The following CDC27 variants were observed in gnomAD, a reference collection of about 807,000 sequenced individuals.
The protein encoded by CDC27 is cell division cycle 27.
Under a neutral mutation model 109.7 loss-of-function variants are expected in CDC27, and 27 were observed. That is an observed-to-expected ratio of 0.25 (90% CI 0.18 to 0.34). CDC27 has a LOEUF of 0.34. Ranked by LOEUF, CDC27 falls within the 10% of genes least tolerant of loss-of-function variation. The probability of loss-of-function intolerance (pLI) is 1.00; values close to 1 mark genes in which losing one functional copy is unlikely to be tolerated. For missense variants in CDC27, 579 were observed against 960.2 expected (o/e 0.60, Z 5.25); for synonymous variants, 266 against 333.9 (o/e 0.80, Z 2.22).
At chr17:47,182,999 T>C (rs540392408) in intron 1 of CDC27, among the ~76,000 whole-genome samples, 39 of 152,174 alleles carry the variant, frequency 2.6e-4, no homozygotes, top group African/African-American at 8.4e-4. Flanking sequence ...TGGAGTGCAA[T>C]AGGAGCAAGA....
chr17:47,176,304 CAG>C (rs1452297916), intron 2 of CDC27, among the ~76,000 whole-genome samples: 5 of 151,482 alleles, frequency 3.3e-5, no homozygotes, highest in African/African-American at 1.2e-4. Context: ...TTCTGTTGTT[CAG>C]AGTCATTTCT....
At position 47,141,931 on chromosome 17, in the gene CDC27, T is replaced by C. The variant is rs770480011; in HGVS notation, c.1473A>G (p.Leu491=). ...CKEAINILSH[L]PSHHYNTGWV... The stretch of plus-strand genomic sequence containing the variant: ...AACCAGTATTGTAGTGGTGAGAAGG[T>C]AGATGGCTCAAAATATTTATAGCTT... The change falls in exon 12 of 19, where the codon CTA becomes CTG. Residue 491 remains leucine, a synonymous_variant. Coordinates refer to ENST00000066544, the MANE Select transcript of CDC27 (RefSeq NM_001256.6). 1.9e-4 allele frequency: 309 copies of C among 1,607,102 alleles called. No individual in the cohort carries two copies. The highest frequency in any genetic ancestry group is 2.6e-4 in the Non-Finnish European group (302 of 1,175,870).
At chr17:47,168,455 T>C (rs1281867879) in intron 4 of CDC27, among the ~76,000 whole-genome samples, 1 of 152,186 alleles carries the variant, frequency 6.6e-6, no homozygotes, top group Non-Finnish European at 1.5e-5. Flanking sequence ...TTGTTTACTG[T>C]TTCTCTTCTC....
rs1330111409 is a variant in CDC27 at position 47,181,517 on chromosome 17, T to C, written c.103+45A>G. 7 of 1,025,464 alleles carry C rather than the reference T, an allele frequency of 6.8e-6. No individual in the cohort carries two copies. In the East Asian group the frequency reaches 1.7e-4, roughly 25 times the overall value. The allele number at this position is 1,025,464 out of a possible 1,614,324, so 63.5% of individuals were successfully genotyped here. On this transcript the variant is annotated intron_variant, in intron 2 of 18. Transcript: ENST00000066544. ...TGATAAAAAGTTATGGAATTTCATATATGTTATTCATTTATCATTCTACAG... is the reference window on the plus strand; with the variant it reads ...TGATAAAAAGTTATGGAATTTCATACATGTTATTCATTTATCATTCTACAG...
At chr17:47,150,231 A>G (rs1392882763) in intron 9 of CDC27, among the ~76,000 whole-genome samples, 4 of 152,212 alleles carry the variant, frequency 2.6e-5, no homozygotes, top group African/African-American at 9.6e-5. Flanking sequence ...GACAAAATAA[A>G]GAGCAATTGC....
chr17:47,171,698 T>G (rs2063816220), intron 3 of CDC27, among the ~76,000 whole-genome samples: 3 of 152,220 alleles, frequency 2.0e-5, no homozygotes, highest in Non-Finnish European at 4.4e-5. Context: ...GGTTATAACT[T>G]AAGTTTCTCC....
At chr17:47,160,501 C>T (rs1171709176) in intron 4 of CDC27, among the ~76,000 whole-genome samples, 1 of 152,158 alleles carries the variant, frequency 6.6e-6, no homozygotes, top group South Asian at 2.1e-4. Flanking sequence ...GTTGGGATTA[C>T]AGGCGTGAGC....
In CDC27 at chr17:47,132,287, T is replaced by C; in HGVS notation, c.2001A>G (p.Gln667=). The C allele has an allele frequency of 1.3e-6, 2 of 1,596,534 alleles. No individual in the cohort carries two copies. The highest frequency in any genetic ancestry group is 1.7e-6 in the Non-Finnish European group (2 of 1,168,850). The change falls in exon 15 of 19, where the codon CAA becomes CAG. Residue 667 remains glutamine (Q), a synonymous_variant. Transcript: ENST00000066544. ...CAATGTGGCAAAGTAAAACTGAACT[T>C]TGAGGGTTGATATCAAGCGCTTTTT... ...HFQKALDINP[Q]SSVLLCHIGV...
Position 47,154,655 on chromosome 17 carries a change from T to A in CDC27, c.957+17A>T. ...TGCTTTAATCAATTCCCAAACTGCATTTTACATGGAAAATACCTTTTTTGA... is the reference window on the plus strand; with the variant it reads ...TGCTTTAATCAATTCCCAAACTGCAATTTACATGGAAAATACCTTTTTTGA... On this transcript the variant is annotated intron_variant, in intron 8 of 18. Transcript: ENST00000066544. 1 of 1,342,468 alleles carries A rather than the reference T, an allele frequency of 7.4e-7. No individual in the cohort carries two copies. The allele number at this position is 1,342,468 out of a possible 1,614,324, so 83.2% of individuals were successfully genotyped here.
Position 47,117,715 on chromosome 17 carries a change from T to C in CDC27, c.*3220A>G, listed in dbSNP as rs781059013. 1.3e-5 allele frequency: 2 copies of C among 152,202 alleles called. No individual in the cohort carries two copies. The highest frequency in any genetic ancestry group is 2.9e-5 in the Non-Finnish European group (2 of 68,036). 9.4% of individuals were successfully genotyped at this position (152,202 alleles called of 1,614,324 possible). A position where few individuals can be genotyped will look rare whatever the true frequency, so the allele number is the denominator to read the frequency against. ...CTAAAAATTACCATTGTTTTTGTCA[T>C]AGTATTTATTTTGATATTCCAAATA... is the stretch of plus-strand genomic sequence containing the variant. On this transcript the variant is annotated 3_prime_UTR_variant, in exon 19 of 19. Transcript: ENST00000066544.
chr17:47,118,359 CTTTT>C lies in CDC27; in HGVS notation c.*2572_*2575del, dbSNP rs1222896300. ...GAAAATGTAGGGACCACCTTTCATT[CTTTT>C]GAGTACCACTGTTCTCTTGAAAAAA... On this transcript the variant is annotated 3_prime_UTR_variant, in exon 19 of 19. Transcript: ENST00000066544. The C allele has an allele frequency of 6.6e-6, 1 of 152,568 alleles. No homozygotes were observed. Among genetic ancestry groups the C allele is most frequent in the Non-Finnish European group, 1.5e-5 (1 of 68,024 alleles). The allele number at this position is 152,568 out of a possible 1,614,324, so 9.5% of individuals were successfully genotyped here. A position where few individuals can be genotyped will look rare whatever the true frequency, so the allele number is the denominator to read the frequency against.
Position 47,118,493 on chromosome 17 carries a change from T to C in CDC27, c.*2442A>G, listed in dbSNP as rs2061921541. On this transcript the variant is annotated 3_prime_UTR_variant, in exon 19 of 19. Transcript: ENST00000066544. ...GAACAAGTGTGTGCGCGTATATATA[T>C]ATGTATATAGATGTATTAAGTTGGT... The C allele has an allele frequency of 6.6e-6, 1 of 152,628 alleles. No homozygotes were observed. Among genetic ancestry groups the C allele is most frequent in the Non-Finnish European group, 1.5e-5 (1 of 68,026 alleles). 9.5% of individuals were successfully genotyped at this position (152,628 alleles called of 1,614,324 possible). A position where few individuals can be genotyped will look rare whatever the true frequency, so the allele number is the denominator to read the frequency against.
At chr17:47,186,248 T>G (rs1170949554) in intron 1 of CDC27, among the ~76,000 whole-genome samples, 2 of 152,208 alleles carry the variant, frequency 1.3e-5, no homozygotes, top group Non-Finnish European at 2.9e-5. Flanking sequence ...AAATCTAAAT[T>G]TCTCATTGAG....
intron 4 of CDC27, chr17:47,159,924 G>A (rs1013899703): frequency 2.3e-5 from 9 of 386,382 alleles, no homozygotes; most frequent in African/African-American, 8.6e-5. Context: ...TTGCCTCCAC[G>A]AGCTCCGTGG....
chr17:47,149,534 AT>A (rs1271926571), intron 9 of CDC27, among the ~76,000 whole-genome samples: 1 of 149,008 alleles, frequency 6.7e-6, no homozygotes, highest in East Asian at 2.0e-4. Context: ...AAAAAAAGAA[AT>A]GTTAAAAAGA....
intron 4 of CDC27, among the ~76,000 whole-genome samples, chr17:47,160,342 C>T (rs1260305080): frequency 6.6e-6 from 1 of 151,740 alleles, no homozygotes; most frequent in East Asian, 1.9e-4. Context: ...ATTCTCATGC[C>T]TCAGCCTCCC....
At chr17:47,148,714 ACAG>A (rs1319440826) in intron 9 of CDC27, among the ~76,000 whole-genome samples, 1 of 152,188 alleles carries the variant, frequency 6.6e-6, no homozygotes, top group African/African-American at 2.4e-5. Context: ...AATGAGATTG[ACAG>A]CAGATTTCTT....
intron 18 of CDC27, 142 bp from the exon 19 acceptor site, chr17:47,121,159 A>C (rs758807340): frequency 1.8e-5 from 11 of 611,596 alleles, no homozygotes; most frequent in Non-Finnish European, 3.2e-5. Flanking sequence ...CATATCCTTT[A>C]ATAAAATGCA....
chr17:47,177,238 T>A (rs1042776556), intron 2 of CDC27, among the ~76,000 whole-genome samples: 3 of 151,900 alleles, frequency 2.0e-5, no homozygotes, highest in Admixed American at 6.6e-5. Flanking sequence ...ATGGGCAACA[T>A]AGGGAGATCT....
Sources: allele counts gnomAD v4.1 joint callset (sites outside exome capture counted in the v4.1 genomes callset), GRCh38; gene constraint gnomAD v4.1.1; transcripts MANE v1.5; gene names NCBI Gene and HGNC (gene_info 2026-07-23, HGNC 2026-07-21).